Variants in PCDHGA3 observed in about 807,000 individuals in gnomAD.
PCDHGA3 encodes the protein protocadherin gamma subfamily A, 3.
A neutral mutation model predicts 58.5 loss-of-function variants in PCDHGA3; 40 were observed. That is an observed-to-expected ratio of 0.68 (90% CI 0.53 to 0.89). The LOEUF (loss-of-function observed/expected upper bound fraction) is 0.89, where lower values mean the gene tolerates loss of function less well. PCDHGA3 is among the 40% of genes least tolerant of loss of function. PCDHGA3 has a pLI of 0.00. For synonymous variants in PCDHGA3, 530 were observed against 525.7 expected (o/e 1.01, Z -0.11); for missense variants, 1,223 against 1,195.9 (o/e 1.02, Z -0.33).
intron 1 of PCDHGA3, chr5:141,419,303 G>A (rs1561779463): frequency 1.2e-6 from 2 of 1,613,970 alleles, no homozygotes; most frequent in Non-Finnish European, 1.7e-6. Flanking sequence ...CCCAGACTTC[G>A]GGCTCAACGG....
intron 1 of PCDHGA3, chr5:141,357,443 C>T (rs1161118434): frequency 1.2e-6 from 2 of 1,614,104 alleles, no homozygotes; most frequent in African/African-American, 1.3e-5. Context: ...GGGGTTCGGG[C>T]TTTCCTGCAG....
chr5:141,499,401 C>A lies in PCDHGA3; in HGVS notation c.2483+4536C>A, dbSNP rs115575614. ...TTCCACTTATAAAATAGTACATGCTCATTATAGAAACATGAAAAATAGAAA... is the reference window on the plus strand; with the variant it reads ...TTCCACTTATAAAATAGTACATGCTAATTATAGAAACATGAAAAATAGAAA... On this transcript the variant is annotated intron_variant, in intron 2 of 3. Coordinates refer to ENST00000253812, the MANE Select transcript of PCDHGA3 (RefSeq NM_018916.4). Among the ~76,000 whole-genome samples, 871 of 152,186 alleles carry A rather than the reference C, an allele frequency of 5.7e-3. 5 individuals are homozygous for A. Among genetic ancestry groups the A allele is most frequent in the African/African-American group, 0.02 (847 of 41,502 alleles).
chr5:141,481,691 C>T (rs929210528), intron 1 of PCDHGA3, among the ~76,000 whole-genome samples: 7 of 152,080 alleles, frequency 4.6e-5, no homozygotes, highest in African/African-American at 1.4e-4. Flanking sequence ...TGGTGGCTCA[C>T]GCCTGTAATC....
chr5:141,374,719 T>C, intron 1 of PCDHGA3: 3 of 1,610,224 alleles, frequency 1.9e-6, no homozygotes, highest in Non-Finnish European at 1.7e-6. Flanking sequence ...GCCTGGTCCT[T>C]ACTGCCATGG....
intron 3 of PCDHGA3, among the ~76,000 whole-genome samples, chr5:141,508,792 CT>C (rs1475631459): frequency 6.6e-6 from 1 of 152,130 alleles, no homozygotes; most frequent in Non-Finnish European, 1.5e-5. Flanking sequence ...CTAAATCACT[CT>C]GGAATCCTGG....
In PCDHGA3 at chr5:141,345,124, G is replaced by A. The variant is rs1757522698; in HGVS notation, c.1091G>A (p.Arg364Lys). Residue 364 changes from arginine to lysine, a missense_variant, in exon 1 of 4, where the codon AGA (arginine) becomes AAA (lysine). Transcript: ENST00000253812. ...GTCCCAGAAGAGGGCACCGTTGGAAGAGAAATTGCTCTTATCGACGTGCAT... is the reference window on the plus strand; with the variant it reads ...GTCCCAGAAGAGGGCACCGTTGGAAAAGAAATTGCTCTTATCGACGTGCAT... The part of the protein sequence containing the change: ...SSVPEEGTVG[R>K]EIALIDVHDR... 8 of 1,613,886 alleles carry A rather than the reference G, an allele frequency of 5.0e-6. No individual in the cohort carries two copies. The highest frequency in any genetic ancestry group is 6.8e-6 in the Non-Finnish European group (8 of 1,179,888).
At position 141,502,487 on chromosome 5, in the gene PCDHGA3, C is replaced by T. The variant is rs563658817; in HGVS notation, c.2484-2906C>T. ...TACTTCCCGCAGCATCACACTGGGACTCATCTAACGTCGGCCTGTCCCACT... is the reference window on the plus strand; with the variant it reads ...TACTTCCCGCAGCATCACACTGGGATTCATCTAACGTCGGCCTGTCCCACT... On this transcript the variant is annotated intron_variant, in intron 2 of 3. Coordinates refer to ENST00000253812, the MANE Select transcript of PCDHGA3 (RefSeq NM_018916.4). Among the ~76,000 whole-genome samples, 92 of 152,298 alleles carry T rather than the reference C, an allele frequency of 6.0e-4. 3 individuals are homozygous for T. The highest frequency in any genetic ancestry group is 1.5e-4 in the Non-Finnish European group (10 of 68,030).
In PCDHGA3 at chr5:141,351,679, C is replaced by G. The variant is rs548473707; in HGVS notation, c.2424+5222C>G. 2.5e-6 allele frequency: 4 copies of G among 1,613,996 alleles called. No homozygotes were observed. In the Admixed American group the frequency reaches 5.0e-5, roughly 20 times the overall value. On this transcript the variant is annotated intron_variant, in intron 1 of 3. Transcript: ENST00000253812. ...CCTCCATTGCACAAGTAAGCGCCTC[C>G]GACCCGGATTTGGGACCCAACGGCA... is the stretch of plus-strand genomic sequence containing the variant.
chr5:141,463,590 A>G (rs975534405), intron 1 of PCDHGA3, among the ~76,000 whole-genome samples: 3 of 151,848 alleles, frequency 2.0e-5, no homozygotes, highest in African/African-American at 7.3e-5. Flanking sequence ...CTGGGACTAC[A>G]GGTGCCTGCC....
At chr5:141,392,682 C>T in intron 1 of PCDHGA3, 2 of 1,035,550 alleles carry the variant, frequency 1.9e-6, no homozygotes, top group Non-Finnish European at 2.7e-6. Flanking sequence ...TGGACTGCAG[C>T]GAAACCCGAC....
At chr5:141,425,457 T>G (rs936918643) in intron 1 of PCDHGA3, among the ~76,000 whole-genome samples, 6 of 152,318 alleles carry the variant, frequency 3.9e-5, no homozygotes, top group Admixed American at 6.5e-5. Flanking sequence ...ACCATCACAT[T>G]TCATGTTATT....
chr5:141,395,589 T>C (rs1254958503), intron 1 of PCDHGA3: 2 of 194,644 alleles, frequency 1.0e-5, no homozygotes, highest in Admixed American at 1.2e-4. Context: ...TGTGTGTGTG[T>C]GTATCCCAAA....
At chr5:141,420,036 G>A (rs1370492350) in intron 1 of PCDHGA3, 1 of 1,614,078 alleles carries the variant, frequency 6.2e-7, no homozygotes. Flanking sequence ...GCAGGAGACT[G>A]CTTTGAGTCA....
intron 1 of PCDHGA3, chr5:141,351,932 G>A: frequency 2.5e-6 from 4 of 1,613,278 alleles, no homozygotes; most frequent in Non-Finnish European, 3.4e-6. Context: ...TGCGCCACGG[G>A]TGCTGTACCC....
chr5:141,357,227 G>T, intron 1 of PCDHGA3: 1 of 1,613,714 alleles, frequency 6.2e-7, no homozygotes, highest in Non-Finnish European at 8.5e-7. Context: ...GCTGACTTGG[G>T]CAGCCTCAAG....
intron 1 of PCDHGA3, chr5:141,357,257 A>G (rs1239209097): frequency 6.2e-7 from 1 of 1,612,430 alleles, no homozygotes; most frequent in Non-Finnish European, 8.5e-7. Flanking sequence ...GACCCAGACG[A>G]CTCGGGCCTC....
At chr5:141,390,003 C>T in intron 1 of PCDHGA3, 1 of 1,614,056 alleles carries the variant, frequency 6.2e-7, no homozygotes, top group Non-Finnish European at 8.5e-7. Flanking sequence ...GGCCATGATT[C>T]TGGCCATTGC....
chr5:141,344,735 T>G lies in PCDHGA3; in HGVS notation c.702T>G (p.Asp234Glu). 1.2e-6 allele frequency: 2 copies of G among 1,613,996 alleles called. No homozygotes were observed. Among genetic ancestry groups the G allele is most frequent in the South Asian group, 2.2e-5 (2 of 91,082 alleles). ...TGCACATCCAAGTGATAGTCCTGGA[T>G]GCAAATGACAACCCACCAATGTTTA... ...GNLHIQVIVL[D>E]ANDNPPMFTQ... The change falls in exon 1 of 4, where the codon GAT (aspartate) becomes GAG (glutamate). Residue 234 changes from aspartate (D) to glutamate (E), a missense_variant. Physicochemically the swap from Asp to Glu is conservative, Grantham distance 45 (BLOSUM62 2). Coordinates refer to ENST00000253812, the MANE Select transcript of PCDHGA3 (RefSeq NM_018916.4).
rs528371675 is a variant in PCDHGA3 at position 141,389,403 on chromosome 5, G to T, written c.2424+42946G>T. 18 of 1,613,628 alleles carry T rather than the reference G, an allele frequency of 1.1e-5. No individual in the cohort carries two copies. The African/African-American group carries it at 2.4e-4, about 21-fold the overall frequency. On this transcript the variant is annotated intron_variant, in intron 1 of 3. Transcript: ENST00000253812. The stretch of plus-strand genomic sequence containing the variant: ...GCTGTCATCCTACGTGTCCATAAGC[G>T]CGGAGAGCGGGGTGGTGTTCGCGCA...
Sources: gnomAD v4.1 joint callset for allele counts (sites outside exome capture counted in the v4.1 genomes callset) on GRCh38, gnomAD v4.1.1 for gene constraint, MANE v1.5 for transcripts, NCBI Gene and HGNC (gene_info 2026-07-23, HGNC 2026-07-21) for gene names.